Variants in KIF5C observed in about 807,000 individuals in gnomAD.
KIF5C encodes the protein kinesin family member 5C, also known as kinesin heavy chain isoform 5C.
Under a neutral mutation model 125.2 loss-of-function variants are expected in KIF5C, and 18 were observed. The observed-to-expected ratio is 0.14, with a 90% CI of 0.10 to 0.21. KIF5C has a LOEUF of 0.21. Ranked by LOEUF, KIF5C falls within the 10% of genes least tolerant of loss-of-function variation. The probability of loss-of-function intolerance (pLI) is 1.00; values close to 1 mark genes in which losing one functional copy is unlikely to be tolerated. For missense variants in KIF5C, 780 were observed against 1,183.8 expected (o/e 0.66, Z 5.01); for synonymous variants, 405 against 434.0 (o/e 0.93, Z 0.83).
chr2:149,003,955 C>T (rs7578966), intron 21 of KIF5C, among the ~76,000 whole-genome samples: 2,429 of 152,220 alleles, frequency 0.016, 64 homozygotes, highest in African/African-American at 0.056. Context: ...GCAGGGTGGG[C>T]GCAGGTGTTA....
At chr2:149,009,967 C>G (rs1293762660) in intron 23 of KIF5C, among the ~76,000 whole-genome samples, 168 bp from the exon 24 acceptor site, 1 of 152,168 alleles carries the variant, frequency 6.6e-6, no homozygotes, top group African/African-American at 2.4e-5. Flanking sequence ...GTTCAGGAAC[C>G]TGGACCCCAC....
At chr2:148,911,845 T>G (rs950814918) in intron 1 of KIF5C, among the ~76,000 whole-genome samples, 1 of 152,126 alleles carries the variant, frequency 6.6e-6, no homozygotes, top group Non-Finnish European at 1.5e-5. Context: ...CTTTGGATAG[T>G]AGGTTTAAAC....
chr2:149,008,630 A>T (rs1682083136), intron 23 of KIF5C, among the ~76,000 whole-genome samples: 1 of 152,180 alleles, frequency 6.6e-6, no homozygotes, highest in African/African-American at 2.4e-5. Context: ...GAGAGTGATA[A>T]CTGTGTCCAA....
chr2:148,895,844 TGA>T, intron 1 of KIF5C, among the ~76,000 whole-genome samples: 1 of 76,308 alleles, frequency 1.3e-5, no homozygotes, highest in South Asian at 4.6e-4. Context: ...CTTTTCTGTG[TGA>T]CACACACACA....
intron 21 of KIF5C, 131 bp downstream of exon 21, chr2:149,000,913 A>C: frequency 2.7e-6 from 4 of 1,478,686 alleles, no homozygotes; most frequent in Non-Finnish European, 3.6e-6. Flanking sequence ...TTCTATGGAA[A>C]AGTAGGATTT....
intron 5 of KIF5C, 48 bp downstream of exon 5, chr2:148,941,706 C>T (rs1682411425): frequency 5.2e-6 from 8 of 1,541,720 alleles, no homozygotes; most frequent in African/African-American, 1.4e-5. Flanking sequence ...AACGAAAGTC[C>T]GGGGAGGTTG....
intron 17 of KIF5C, among the ~76,000 whole-genome samples, chr2:148,997,058 C>G (rs537116988): frequency 1.3e-5 from 2 of 152,218 alleles, no homozygotes; most frequent in South Asian, 4.1e-4. Flanking sequence ...TGTCGCGCTC[C>G]CCCGTGGAAG....
Position 148,934,573 on chromosome 2 carries a change from A to T in KIF5C, c.292-2711A>T, listed in dbSNP as rs114548246. Among the ~76,000 whole-genome samples, 510 of 146,966 alleles carry T rather than the reference A, an allele frequency of 3.5e-3. 2 individuals carry two copies. The highest frequency in any genetic ancestry group is 0.012 in the African/African-American group (477 of 39,656). On this transcript the variant is annotated intron_variant, in intron 3 of 25. Transcript: ENST00000435030. ...CACGCATACACACACACACACACACACTCTGCATACATCATACAGACACAG... is the reference window on the plus strand; with the variant it reads ...CACGCATACACACACACACACACACTCTCTGCATACATCATACAGACACAG...
chr2:148,922,331 G>T lies in KIF5C; in HGVS notation c.217+104G>T, dbSNP rs578203998. ...CAATGTGCCTTGACTGTAAGCAGAG[G>T]CCTGCTAATTGGAAACACTGAATTC... On this transcript the variant is annotated intron_variant, in intron 2 of 25. Transcript: ENST00000435030. 5 of 655,812 alleles carry T rather than the reference G, an allele frequency of 7.6e-6. No individual in the cohort carries two copies. In the South Asian group the frequency reaches 9.2e-5, roughly 12 times the overall value. 40.6% of individuals were successfully genotyped at this position (655,812 alleles called of 1,614,324 possible).
rs1558951087 is a variant in KIF5C at position 149,017,358 on chromosome 2, C to T, written c.*7+5675C>T. Among the ~76,000 whole-genome samples, 3 of 152,126 alleles carry T rather than the reference C, an allele frequency of 2.0e-5. No homozygotes were observed. The South Asian group carries it at 6.2e-4, about 32-fold the overall frequency. On this transcript the variant is annotated intron_variant, in intron 25 of 25. Transcript: ENST00000435030. ...TCGTGCAGGCAAGAAGCCAGATGAT[C>T]AGCTGAGAGAGAGGGAGGAAGCAGG... is the stretch of plus-strand genomic sequence containing the variant.
chr2:148,875,891 G>A, intron 1 of KIF5C, 148 bp downstream of exon 1: 1 of 1,044,732 alleles, frequency 9.6e-7, no homozygotes, highest in Non-Finnish European at 1.2e-6. Flanking sequence ...GAGACCCCTC[G>A]CCCCGCGCAC....
intron 8 of KIF5C, among the ~76,000 whole-genome samples, chr2:148,948,221 G>A (rs1033006247): frequency 6.6e-6 from 1 of 151,752 alleles, no homozygotes; most frequent in Non-Finnish European, 1.5e-5. Context: ...GCCAGGCATG[G>A]TGGCGGGCAC....
chr2:149,006,044 G>A (rs1681995947), intron 22 of KIF5C, among the ~76,000 whole-genome samples: 1 of 152,170 alleles, frequency 6.6e-6, no homozygotes, highest in Non-Finnish European at 1.5e-5. Flanking sequence ...CCAGGCCTGC[G>A]GGGTCTCTGG....
intron 1 of KIF5C, among the ~76,000 whole-genome samples, chr2:148,913,672 C>T (rs941189297): frequency 6.6e-6 from 1 of 152,154 alleles, no homozygotes; most frequent in Non-Finnish European, 1.5e-5. Flanking sequence ...TCATGAGACT[C>T]AGCGTAACTG....
At chr2:148,988,397 G>T (rs2105168858) in intron 15 of KIF5C, among the ~76,000 whole-genome samples, 1 of 152,288 alleles carries the variant, frequency 6.6e-6, no homozygotes, top group East Asian at 1.9e-4. Flanking sequence ...TATTTTGGAG[G>T]AAGCCCATCT....
rs373920169 is a variant in KIF5C at position 149,019,172 on chromosome 2, T to C, written c.*8-3906T>C. Among the ~76,000 whole-genome samples, 948 of 152,228 alleles carry C rather than the reference T, an allele frequency of 6.2e-3. 10 individuals are homozygous for C. Among genetic ancestry groups the C allele is most frequent in the African/African-American group, 0.019 (803 of 41,518 alleles). Reference sequence around the variant, plus strand: ...TTGAAGTATATAAAGATAATCCCCCTTTGTCACACCAGACAAGATTCTTGG... The same window carrying C: ...TTGAAGTATATAAAGATAATCCCCCCTTGTCACACCAGACAAGATTCTTGG... On this transcript the variant is annotated intron_variant, in intron 25 of 25. Coordinates refer to ENST00000435030, the MANE Select transcript of KIF5C (RefSeq NM_004522.3).
At chr2:148,901,737 C>T (rs1011850560) in intron 1 of KIF5C, among the ~76,000 whole-genome samples, 2 of 152,194 alleles carry the variant, frequency 1.3e-5, no homozygotes, top group African/African-American at 4.8e-5. Flanking sequence ...AGGCTCCTGT[C>T]ACTGTAGCAC....
chr2:148,921,166 T>G (rs1342980387), intron 1 of KIF5C, among the ~76,000 whole-genome samples: 1 of 152,186 alleles, frequency 6.6e-6, no homozygotes, highest in Admixed American at 6.5e-5. Context: ...ATACAGTGAT[T>G]GGGCGTCAGG....
chr2:149,009,130 C>A (rs1396235881), intron 23 of KIF5C, among the ~76,000 whole-genome samples: 1 of 151,278 alleles, frequency 6.6e-6, no homozygotes, highest in Non-Finnish European at 1.5e-5. Flanking sequence ...GCTGGGATTA[C>A]AGGTGCGCGC....
Sources: allele counts gnomAD v4.1 joint callset (sites outside exome capture counted in the v4.1 genomes callset), GRCh38; gene constraint gnomAD v4.1.1; transcripts MANE v1.5; gene names NCBI Gene and HGNC (gene_info 2026-07-23, HGNC 2026-07-21).